PRKG1: variants seen among roughly 807,000 people sequenced by gnomAD.
PRKG1 encodes the protein protein kinase cGMP-dependent 1, also known as cGMP-dependent protein kinase 1.
Under a neutral mutation model 88.1 loss-of-function variants are expected in PRKG1, and 35 were observed. The ratio of observed to expected loss-of-function variants is 0.40; its 90% CI spans 0.30 to 0.53. The LOEUF (loss-of-function observed/expected upper bound fraction) is 0.53, where lower values mean the gene tolerates loss of function less well. Among genes scored for constraint, PRKG1 ranks in the 20% least tolerant of loss-of-function variants. The pLI is 0.59. For missense variants in PRKG1, 540 were observed against 839.8 expected (o/e 0.64, Z 4.41); for synonymous variants, 303 against 292.5 (o/e 1.04, Z -0.37).
intron 3 of PRKG1, among the ~76,000 whole-genome samples, chr10:51,756,342 C>T (rs1564634414): frequency 6.6e-6 from 1 of 151,854 alleles, no homozygotes; most frequent in Non-Finnish European, 1.5e-5. Flanking sequence ...AAAAAGTTAT[C>T]CAGGTGTGGT....
chr10:51,572,258 T>C (rs935573031), intron 3 of PRKG1, among the ~76,000 whole-genome samples: 1 of 151,932 alleles, frequency 6.6e-6, no homozygotes, highest in African/African-American at 2.4e-5. Flanking sequence ...TGCCATGTGA[T>C]ATTTTGCATT....
At position 52,066,620 on chromosome 10, in the gene PRKG1, T is replaced by C. The variant is rs576541837; in HGVS notation, c.935+3989T>C. 6.6e-5 allele frequency among the ~76,000 whole-genome samples: 10 copies of C among 152,252 alleles called. No individual in the cohort carries two copies. The South Asian group carries it at 1.2e-3, about 19-fold the overall frequency. ...AGGCTAGCGATGTAAATGACTACAA[T>C]AGGCTAGTAAAACAGGTGGCAAACT... is the stretch of plus-strand genomic sequence containing the variant. On this transcript the variant is annotated intron_variant, in intron 7 of 17. Transcript: ENST00000373980.
rs180925685 is a variant in PRKG1, at chr10:51,241,375, A to G, written c.478+88045A>G. ...TCTTTCAGGGAATCATCGAATTATCAGAGTTGGGAGAGATGTTAGCAAACA... is the reference window on the plus strand; with the variant it reads ...TCTTTCAGGGAATCATCGAATTATCGGAGTTGGGAGAGATGTTAGCAAACA... On this transcript the variant is annotated intron_variant, in intron 2 of 17. Coordinates refer to ENST00000373980, the MANE Select transcript of PRKG1 (RefSeq NM_006258.4). Among the ~76,000 whole-genome samples, 657 of 152,226 alleles carry G rather than the reference A, an allele frequency of 4.3e-3. 1 individual carries two copies. The highest frequency in any genetic ancestry group is 6.8e-3 in the Middle Eastern group (2 of 294).
At chr10:52,291,714 C>G (rs369092837) in intron 17 of PRKG1, among the ~76,000 whole-genome samples, 1 of 151,448 alleles carries the variant, frequency 6.6e-6, no homozygotes, top group Non-Finnish European at 1.5e-5. Context: ...AATAAACATA[C>G]GTGTGCATGT....
At chr10:51,280,309 C>T (rs1341677953) in intron 2 of PRKG1, among the ~76,000 whole-genome samples, 2 of 152,144 alleles carry the variant, frequency 1.3e-5, no homozygotes, top group Non-Finnish European at 2.9e-5. Flanking sequence ...AACATTTTTT[C>T]CTTCATTTCA....
chr10:51,986,923 G>C (rs1045309705), intron 5 of PRKG1, among the ~76,000 whole-genome samples: 3 of 152,058 alleles, frequency 2.0e-5, no homozygotes, highest in Non-Finnish European at 4.4e-5. Context: ...AGGGAGATGG[G>C]GAAGTCTGTC....
chr10:52,288,843 A>G lies in PRKG1; in HGVS notation c.1827A>G (p.Leu609=). ...ATGCTGCTAATTTAATTAAAAAACT[A>G]TGCAGGTAAGTATTTCAACCACATT... is the stretch of plus-strand genomic sequence containing the variant. ...AKNAANLIKK[L]CRDNPSERLG... The change falls in exon 15 of 18, where the codon CTA becomes CTG. Residue 609 remains leucine, a synonymous_variant. Transcript: ENST00000373980. The G allele has an allele frequency of 6.2e-7, 1 of 1,601,932 alleles. No individual in the cohort carries two copies. Among genetic ancestry groups the G allele is most frequent in the South Asian group, 1.1e-5 (1 of 88,150 alleles).
intron 2 of PRKG1, among the ~76,000 whole-genome samples, chr10:51,229,478 G>A (rs1838778336): frequency 6.6e-6 from 1 of 152,178 alleles, no homozygotes; most frequent in South Asian, 2.1e-4. Flanking sequence ...GGTGACAAGG[G>A]TGGAAGTGGT....
chr10:52,198,529 T>C (rs951909974), intron 9 of PRKG1, among the ~76,000 whole-genome samples: 1 of 152,166 alleles, frequency 6.6e-6, no homozygotes, highest in Non-Finnish European at 1.5e-5. Flanking sequence ...ATAATAAAAG[T>C]AGTAATGACA....
At chr10:52,095,558 A>G (rs1382263570) in intron 7 of PRKG1, among the ~76,000 whole-genome samples, 1 of 152,132 alleles carries the variant, frequency 6.6e-6, no homozygotes, top group Non-Finnish European at 1.5e-5. Flanking sequence ...TCCTTTGTTT[A>G]TTGTTAGGTC....
intron 16 of PRKG1, 48 bp from the exon 17 acceptor site, chr10:52,290,175 GC>G: frequency 6.5e-7 from 1 of 1,542,430 alleles, no homozygotes; most frequent in East Asian, 2.3e-5. Flanking sequence ...GCAATGAGAA[GC>G]TTTTAGCTGA....
At position 51,375,421 on chromosome 10, in the gene PRKG1, TG is replaced by T. The variant is rs1171533222; in HGVS notation, c.479-92298del. On this transcript the variant is annotated intron_variant, in intron 2 of 17. Transcript: ENST00000373980. ...GCTTGGGACCAGAGTGTTTTGGATT[TG>T]GGGTTTTTTTTTTTGGATTTTGGAA... 3.4e-5 allele frequency among the ~76,000 whole-genome samples: 5 copies of T among 146,362 alleles called. No homozygotes were observed. In the South Asian group the frequency reaches 6.6e-4, roughly 19 times the overall value.
intron 9 of PRKG1, among the ~76,000 whole-genome samples, chr10:52,179,545 G>A (rs953605056): frequency 1.3e-5 from 2 of 152,054 alleles, no homozygotes; most frequent in African/African-American, 4.8e-5. Flanking sequence ...GCTTTTGACA[G>A]TTTGGCTATA....
At chr10:51,588,779 A>C (rs1057382588) in intron 3 of PRKG1, among the ~76,000 whole-genome samples, 1 of 152,208 alleles carries the variant, frequency 6.6e-6, no homozygotes, top group Non-Finnish European at 1.5e-5. Context: ...TTGATGTGCC[A>C]TGTGAACCAC....
chr10:52,138,589 T>C (rs1466995361), intron 8 of PRKG1, among the ~76,000 whole-genome samples: 1 of 152,080 alleles, frequency 6.6e-6, no homozygotes. Context: ...ACATGGCTGA[T>C]GATGTCCCTA....
At position 52,297,766 on chromosome 10, in the gene PRKG1, G is replaced by A. The variant is rs974469891; in HGVS notation, c.*3866G>A. ...AGACTCCATTGACAATGGTCCAACC[G>A]AAAAGAAAAATTGGAAATGACTGCT... On this transcript the variant is annotated 3_prime_UTR_variant, in exon 18 of 18. Coordinates refer to ENST00000373980, the MANE Select transcript of PRKG1 (RefSeq NM_006258.4). 2.0e-5 allele frequency: 3 copies of A among 152,074 alleles called. No individual in the cohort carries two copies. The highest frequency in any genetic ancestry group is 2.1e-4 in the South Asian group (1 of 4,826). The allele number at this position is 152,074 out of a possible 1,614,324, so 9.4% of individuals were successfully genotyped here.
At position 51,861,455 on chromosome 10, in the gene PRKG1, A is replaced by G. The variant is rs575015461; in HGVS notation, c.699-46052A>G. On this transcript the variant is annotated intron_variant, in intron 4 of 17. Transcript: ENST00000373980. ...TACTATTTTTATATTTATTAGAACTATTATTTTTTTCATCAGAAATACCCG... is the reference window on the plus strand; with the variant it reads ...TACTATTTTTATATTTATTAGAACTGTTATTTTTTTCATCAGAAATACCCG... 4.6e-5 allele frequency among the ~76,000 whole-genome samples: 7 copies of G among 152,266 alleles called. No individual in the cohort carries two copies. In the South Asian group the frequency reaches 1.2e-3, roughly 27 times the overall value.
chr10:52,108,818 A>T (rs1035241963), intron 7 of PRKG1, among the ~76,000 whole-genome samples: 8 of 146,984 alleles, frequency 5.4e-5, no homozygotes, highest in African/African-American at 2.0e-4. Flanking sequence ...TGGGAGAACA[A>T]GTATTCCTTT....
intron 2 of PRKG1, among the ~76,000 whole-genome samples, chr10:51,279,558 C>A (rs1238298079): frequency 6.6e-6 from 1 of 152,108 alleles, no homozygotes; most frequent in Non-Finnish European, 1.5e-5. Context: ...AATCTGGGTG[C>A]CCCTGTATTG....
Sources: gnomAD v4.1 joint callset for allele counts (sites outside exome capture counted in the v4.1 genomes callset) on GRCh38, gnomAD v4.1.1 for gene constraint, MANE v1.5 for transcripts, NCBI Gene and HGNC (gene_info 2026-07-23, HGNC 2026-07-21) for gene names.